GPRIN3: variants seen among roughly 807,000 people sequenced by gnomAD.
GPRIN3 encodes the protein GPRIN family member 3.
A neutral mutation model predicts 13.7 loss-of-function variants in GPRIN3; 12 were observed. That is an observed-to-expected ratio of 0.87 (90% CI 0.56 to 1.42). The LOEUF is 1.42. Ranked by LOEUF, GPRIN3 falls within the 40% of genes most tolerant of loss-of-function variation. The pLI is 0.00. For missense variants in GPRIN3, 1,009 were observed against 958.7 expected, an observed-to-expected ratio of 1.05 and a Z score of -0.69; for synonymous variants, 377 against 372.7, an observed-to-expected ratio of 1.01 and a Z score of -0.13.
At chr4:89,303,265 C>T (rs935233419) in intron 1 of GPRIN3, among the ~76,000 whole-genome samples, 3 of 152,314 alleles carry the variant, frequency 2.0e-5, no homozygotes, top group African/African-American at 7.2e-5. Flanking sequence ...GGCTACCAAG[C>T]GATCTGGTTC....
intron 1 of GPRIN3, among the ~76,000 whole-genome samples, chr4:89,290,965 A>G (rs1213019793): frequency 6.6e-6 from 1 of 152,168 alleles, no homozygotes; most frequent in Non-Finnish European, 1.5e-5. Flanking sequence ...GCTGACATCC[A>G]GGGTCCCATG....
At chr4:89,301,316 A>G (rs1357606114) in intron 1 of GPRIN3, among the ~76,000 whole-genome samples, 3 of 152,218 alleles carry the variant, frequency 2.0e-5, no homozygotes, top group African/African-American at 4.8e-5. Context: ...AAAAGGAAGA[A>G]CTACAAGAAA....
chr4:89,303,770 T>C (rs910693594), intron 1 of GPRIN3, among the ~76,000 whole-genome samples: 1 of 149,116 alleles, frequency 6.7e-6, no homozygotes, highest in Non-Finnish European at 1.5e-5. Flanking sequence ...TATTTATATA[T>C]AAAAAATATA....
intron 1 of GPRIN3, among the ~76,000 whole-genome samples, chr4:89,285,605 C>T (rs1578106349): frequency 1.3e-5 from 2 of 152,166 alleles, no homozygotes; most frequent in African/African-American, 4.8e-5. Context: ...TGTTGGACAC[C>T]TCAGGCTGCA....
rs114255601 is a variant in GPRIN3, at chr4:89,272,578, T to C, written c.-123-22345A>G. On this transcript the variant is annotated intron_variant, in intron 1 of 1. Coordinates refer to ENST00000609438, the MANE Select transcript of GPRIN3 (RefSeq NM_198281.3). ...TTTGGTACTTTTCTGACGGTATGTT[T>C]CTAATTGTTTTAAAATGAGTGTGGT... Among the ~76,000 whole-genome samples the C allele has an allele frequency of 3.5e-3, 528 of 152,334 alleles. 2 individuals are homozygous for C. Among genetic ancestry groups the C allele is most frequent in the African/African-American group, 0.012 (515 of 41,568 alleles).
intron 1 of GPRIN3, among the ~76,000 whole-genome samples, chr4:89,295,223 T>C (rs952440214): frequency 1.3e-5 from 2 of 152,232 alleles, no homozygotes; most frequent in African/African-American, 2.4e-5. Flanking sequence ...TATGCACTTA[T>C]ATTTACAGCA....
chr4:89,251,408 G>T (rs781387541), intron 1 of GPRIN3, among the ~76,000 whole-genome samples: 7 of 152,156 alleles, frequency 4.6e-5, no homozygotes, highest in Admixed American at 6.5e-5. Context: ...TATGGAGGCA[G>T]TTTAATTTTT....
intron 1 of GPRIN3, among the ~76,000 whole-genome samples, chr4:89,274,213 C>T (rs72872535): frequency 6.6e-6 from 1 of 152,130 alleles, no homozygotes; most frequent in Non-Finnish European, 1.5e-5. Context: ...AAAATAACCC[C>T]GAAGTGCTAT....
intron 1 of GPRIN3, among the ~76,000 whole-genome samples, chr4:89,276,864 T>C (rs763620713): frequency 6.6e-6 from 1 of 152,172 alleles, no homozygotes; most frequent in Non-Finnish European, 1.5e-5. Flanking sequence ...GCAGCTCAAG[T>C]TGGAACTCAT....
At position 89,248,551 on chromosome 4, in the gene GPRIN3, T is replaced by G. The variant is rs1384780371; in HGVS notation, c.1560A>C (p.Lys520Asn). 5.6e-6 allele frequency: 9 copies of G among 1,613,250 alleles called. No individual in the cohort carries two copies. The African/African-American group carries it at 1.2e-4, about 22-fold the overall frequency. The change falls in exon 2 of 2, where the codon AAA becomes AAC. Residue 520 changes from lysine to asparagine, a missense_variant. Physicochemically the swap from Lys to Asn is moderately conservative, Grantham distance 94. Coordinates refer to ENST00000609438, the MANE Select transcript of GPRIN3 (RefSeq NM_198281.3). ...KLSDSCGSIS[K>N]ADHSGSLDPT... ...GATCCAAGCTCCCAGAATGATCAGC[T>G]TTGCTGATAGAGCCACAAGAGTCAG...
rs1369892969 is a variant in GPRIN3, at chr4:89,249,464, A to G, written c.647T>C (p.Val216Ala). The G allele has an allele frequency of 1.9e-6, 3 of 1,614,068 alleles. No individual in the cohort carries two copies. The highest frequency in any genetic ancestry group is 2.5e-6 in the Non-Finnish European group (3 of 1,180,002). The change falls in exon 2 of 2, where the codon GTA becomes GCA. Residue 216 changes from valine to alanine, a missense_variant. Val to Ala is a moderately conservative substitution (Grantham distance 64, BLOSUM62 0). Transcript: ENST00000609438. ...CTGCCTTTCCCCTTCAGGTCCACCT[A>G]CAGGAGAGGATGAGTGACTGACCAC... ...ARVVSHSSSP[V>A]GGPEGERQGA... is the part of the protein sequence containing the mutation.
intron 1 of GPRIN3, among the ~76,000 whole-genome samples, chr4:89,275,647 C>A (rs1023476883): frequency 6.6e-6 from 1 of 152,212 alleles, no homozygotes; most frequent in Admixed American, 6.5e-5. Context: ...ATGCAGCTCT[C>A]CTTCCTCCTT....
intron 1 of GPRIN3, among the ~76,000 whole-genome samples, chr4:89,266,619 T>C (rs1036923016): frequency 2.0e-5 from 3 of 152,220 alleles, no homozygotes; most frequent in Admixed American, 6.5e-5. Flanking sequence ...CTGTAAAAGA[T>C]AGGAAAATCG....
At chr4:89,261,984 T>C (rs1723642442) in intron 1 of GPRIN3, among the ~76,000 whole-genome samples, 1 of 151,888 alleles carries the variant, frequency 6.6e-6, no homozygotes, top group South Asian at 2.1e-4. Context: ...TAGCCTGGCA[T>C]GGTGGCACGC....
intron 1 of GPRIN3, among the ~76,000 whole-genome samples, chr4:89,271,555 T>C (rs761665844): frequency 2.1e-5 from 3 of 145,830 alleles, no homozygotes; most frequent in Non-Finnish European, 4.4e-5. Flanking sequence ...AGAGTTGTTA[T>C]ATGGTATTTT....
In GPRIN3 at chr4:89,248,171, A is replaced by C. The variant is rs566762224; in HGVS notation, c.1940T>G (p.Leu647Ter). Residue 647 changes from leucine to a stop codon, truncating the protein, a stop_gained, in exon 2 of 2, where the codon TTA becomes TGA. Coordinates refer to ENST00000609438, the MANE Select transcript of GPRIN3 (RefSeq NM_198281.3). LOFTEE classifies it high-confidence loss of function. ...CTGAGCAGCAGCTGCTGTCACATTT[A>C]ACTTTTGCTCCTTGAGGAACTCGCT... ...RVSEFLKEQKLNVTAAAAQVG... is the reference protein window; with the variant it reads ...RVSEFLKEQK 3 of 1,614,020 alleles carry C rather than the reference A, an allele frequency of 1.9e-6. No individual in the cohort carries two copies. The East Asian group carries it at 6.7e-5, about 36-fold the overall frequency.
rs950010387 is a variant in GPRIN3 at position 89,239,128 on chromosome 4, T to C, written c.*8652A>G. On this transcript the variant is annotated 3_prime_UTR_variant, in exon 2 of 2. Coordinates refer to ENST00000609438, the MANE Select transcript of GPRIN3 (RefSeq NM_198281.3). ...CTTTCTGAAATGATTTTATGGCCTT[T>C]GTAAACATTATAATGTAGACATTAT... 5 of 152,180 alleles carry C rather than the reference T, an allele frequency of 3.3e-5. No homozygotes were observed. The highest frequency in any genetic ancestry group is 1.2e-4 in the African/African-American group (5 of 41,456). The allele number at this position is 152,180 out of a possible 1,614,324, so 9.4% of individuals were successfully genotyped here. A position where few individuals can be genotyped will look rare whatever the true frequency, so the allele number is the denominator to read the frequency against.
rs1340963144 is a variant in GPRIN3, at chr4:89,237,881, T to C, written c.*9899A>G. 2 of 152,204 alleles carry C rather than the reference T, an allele frequency of 1.3e-5. No homozygotes were observed. The highest frequency in any genetic ancestry group is 2.4e-5 in the African/African-American group (1 of 41,456). 9.4% of individuals were successfully genotyped at this position (152,204 alleles called of 1,614,324 possible). On this transcript the variant is annotated 3_prime_UTR_variant, in exon 2 of 2. Coordinates refer to ENST00000609438, the MANE Select transcript of GPRIN3 (RefSeq NM_198281.3). Reference sequence around the variant, plus strand: ...GATGTGAAGAATGAGAACATTTGGCTGGAAACGGCACCTAATGAAACAAAC... The same window carrying C: ...GATGTGAAGAATGAGAACATTTGGCCGGAAACGGCACCTAATGAAACAAAC...
chr4:89,295,132 C>T (rs542291987), intron 1 of GPRIN3, among the ~76,000 whole-genome samples: 14 of 152,244 alleles, frequency 9.2e-5, no homozygotes, highest in African/African-American at 3.4e-4. Context: ...CTAATTTTTT[C>T]CCTTTGTATT....
Sources: gnomAD v4.1 joint callset for allele counts (sites outside exome capture counted in the v4.1 genomes callset) on GRCh38, gnomAD v4.1.1 for gene constraint, MANE v1.5 for transcripts, NCBI Gene and HGNC (gene_info 2026-07-23, HGNC 2026-07-21) for gene names.